The following RMDN2 variants were observed in gnomAD, a reference collection of about 807,000 sequenced individuals.
RMDN2 encodes the protein regulator of microtubule dynamics protein 2.
In RMDN2, 61 loss-of-function variants were observed where a neutral mutation model predicts 52.8. The observed-to-expected ratio is 1.16, with a 90% CI of 0.94 to 1.43. The LOEUF is 1.43. Ranked by LOEUF, RMDN2 falls within the 40% of genes most tolerant of loss-of-function variation. The pLI is 0.00. For missense variants in RMDN2, 592 were observed against 475.3 expected (o/e 1.25, Z -2.28); for synonymous variants, 180 against 153.1 (o/e 1.18, Z -1.30).
At chr2:37,947,213 A>T (rs1165086676) in intron 2 of RMDN2, among the ~76,000 whole-genome samples, 1 of 152,080 alleles carries the variant, frequency 6.6e-6, no homozygotes, top group African/African-American at 2.4e-5. Context: ...CCTCCTGAGA[A>T]GTCTCCACTG....
intron 10 of RMDN2, among the ~76,000 whole-genome samples, chr2:38,029,019 G>A (rs968404435): frequency 1.3e-5 from 2 of 152,066 alleles, no homozygotes; most frequent in Non-Finnish European, 2.9e-5. Context: ...GAGACTGGGC[G>A]GGCACATATC....
intron 10 of RMDN2, chr2:38,066,814 G>C: frequency 1.6e-6 from 1 of 608,862 alleles, no homozygotes; most frequent in Non-Finnish European, 3.0e-6. Flanking sequence ...ATTCTTAACT[G>C]TCCTGACATT....
chr2:37,935,334 T>C (rs1012503120), intron 2 of RMDN2, among the ~76,000 whole-genome samples: 3 of 152,222 alleles, frequency 2.0e-5, no homozygotes, highest in Admixed American at 6.5e-5. Context: ...GAGCCAAAAA[T>C]ATAGACAGTG....
chr2:37,971,776 G>A (rs1487992281), intron 2 of RMDN2, among the ~76,000 whole-genome samples: 2 of 152,110 alleles, frequency 1.3e-5, no homozygotes, highest in Non-Finnish European at 2.9e-5. Flanking sequence ...CTAAAATCTG[G>A]TGGGGTAAGT....
At chr2:37,957,946 G>C (rs1290484353) in intron 2 of RMDN2, among the ~76,000 whole-genome samples, 1 of 152,162 alleles carries the variant, frequency 6.6e-6, no homozygotes, top group African/African-American at 2.4e-5. Flanking sequence ...TCAAAGATCA[G>C]GTGGTTGTAG....
At position 37,929,295 on chromosome 2, in the gene RMDN2, C is replaced by T; in HGVS notation, c.18C>T (p.Asn6=). MPYST[N]KELILGIMVG... ...ACCAAGAAATGCCTTATTCCACAAACAAAGAGTTGATACTTGGCATCATGG... is the reference window on the plus strand; with the variant it reads ...ACCAAGAAATGCCTTATTCCACAAATAAAGAGTTGATACTTGGCATCATGG... The change falls in exon 2 of 11, where the codon AAC becomes AAT. Residue 6 remains asparagine (N), a synonymous_variant. Coordinates refer to ENST00000354545, the MANE Select transcript of RMDN2 (RefSeq NM_001170791.3). The T allele has an allele frequency of 2.0e-6, 3 of 1,530,222 alleles. No homozygotes were observed. The highest frequency in any genetic ancestry group is 2.6e-6 in the Non-Finnish European group (3 of 1,136,984). The allele number at this position is 1,530,222 out of a possible 1,614,324, so 94.8% of individuals were successfully genotyped here. A position where few individuals can be genotyped will look rare whatever the true frequency, so the allele number is the denominator to read the frequency against.
intron 2 of RMDN2, among the ~76,000 whole-genome samples, chr2:37,943,709 C>A (rs542116237): frequency 5.5e-4 from 83 of 152,236 alleles, no homozygotes; most frequent in South Asian, 3.7e-3. Flanking sequence ...GCGCTCCATT[C>A]TATTATATAT....
chr2:37,970,015 C>G (rs1671586031), intron 2 of RMDN2, among the ~76,000 whole-genome samples: 1 of 152,062 alleles, frequency 6.6e-6, no homozygotes, highest in Non-Finnish European at 1.5e-5. Flanking sequence ...TTACTGCAGC[C>G]TCAACTTTCT....
chr2:37,960,454 G>A (rs567507023), intron 2 of RMDN2, among the ~76,000 whole-genome samples: 14 of 152,068 alleles, frequency 9.2e-5, no homozygotes, highest in African/African-American at 3.1e-4. Context: ...CAGAGACTAG[G>A]ATTGCAACCC....
chr2:38,047,643 CACTT>C (rs1681353784), intron 10 of RMDN2, among the ~76,000 whole-genome samples: 1 of 152,172 alleles, frequency 6.6e-6, no homozygotes, highest in African/African-American at 2.4e-5. Flanking sequence ...TATAAGTTTG[CACTT>C]ACTTTGTTAA....
intron 2 of RMDN2, among the ~76,000 whole-genome samples, chr2:37,936,092 C>T (rs1667264882): frequency 6.6e-6 from 1 of 152,124 alleles, no homozygotes; most frequent in Non-Finnish European, 1.5e-5. Context: ...ATGTTCCCCT[C>T]CCTGTGTCCA....
chr2:38,055,991 C>T (rs1358203773), intron 10 of RMDN2, among the ~76,000 whole-genome samples: 2 of 152,194 alleles, frequency 1.3e-5, no homozygotes, highest in Non-Finnish European at 2.9e-5. Flanking sequence ...CACACTCCCT[C>T]ACCCTGACAC....
downstream of RMDN2, among the ~76,000 whole-genome samples, chr2:38,020,778 A>G (rs1679299732): frequency 6.9e-6 from 1 of 144,088 alleles, no homozygotes; most frequent in Non-Finnish European, 1.6e-5. Context: ...GCAGCCCCCC[A>G]TGCCTGAACC....
intron 1 of RMDN2, among the ~76,000 whole-genome samples, chr2:37,928,441 A>T (rs899268329): frequency 2.6e-5 from 4 of 152,232 alleles, no homozygotes; most frequent in Non-Finnish European, 5.9e-5. Flanking sequence ...AAAGCAGAGG[A>T]TGGTGAATTT....
At chr2:38,011,587 A>G (rs533160897) in intron 10 of RMDN2, among the ~76,000 whole-genome samples, 2 of 152,318 alleles carry the variant, frequency 1.3e-5, no homozygotes, top group East Asian at 1.9e-4. Context: ...CTAGGAGCCT[A>G]TAGCCTAGAA....
rs1677572105 is a variant in RMDN2, at chr2:38,009,194, C to T, written c.1179+4978C>T. 4.6e-5 allele frequency among the ~76,000 whole-genome samples: 7 copies of T among 152,276 alleles called. No individual in the cohort carries two copies. In the South Asian group the frequency reaches 1.5e-3, roughly 32 times the overall value. ...GACAATTACATGTCTTGGAGTTAGT[C>T]TTCTCGAGGAGTATCTTTTTGGCGT... On this transcript the variant is annotated intron_variant, in intron 10 of 10. Coordinates refer to ENST00000354545, the MANE Select transcript of RMDN2 (RefSeq NM_001170791.3).
intron 6 of RMDN2, among the ~76,000 whole-genome samples, chr2:37,990,495 G>A (rs527749443): frequency 3.1e-4 from 38 of 124,212 alleles, no homozygotes; most frequent in African/African-American, 1.1e-3. Flanking sequence ...CTCGAGCCTG[G>A]GCAATAGAAT....
intron 2 of RMDN2, among the ~76,000 whole-genome samples, chr2:37,962,230 A>G (rs556495858): frequency 6.6e-6 from 1 of 152,136 alleles, no homozygotes; most frequent in African/African-American, 2.4e-5. Flanking sequence ...GTGGTGGGAG[A>G]TTTGCTGCTC....
At chr2:37,988,667 A>T (rs1017374373) in intron 5 of RMDN2, among the ~76,000 whole-genome samples, 2 of 152,222 alleles carry the variant, frequency 1.3e-5, no homozygotes, top group African/African-American at 4.8e-5. Flanking sequence ...CATCTTAGTT[A>T]CTATGACAAT....
Sources: gnomAD v4.1 joint callset for allele counts (sites outside exome capture counted in the v4.1 genomes callset) on GRCh38, gnomAD v4.1.1 for gene constraint, MANE v1.5 for transcripts, NCBI Gene and HGNC (gene_info 2026-07-23, HGNC 2026-07-21) for gene names.